The following CNTNAP2 variants were observed in gnomAD, a reference collection of about 807,000 sequenced individuals.
The protein encoded by CNTNAP2 is contactin associated protein 2.
A neutral mutation model predicts 155.2 loss-of-function variants in CNTNAP2; 98 were observed. The observed-to-expected ratio is 0.63, with a 90% CI of 0.54 to 0.75. The LOEUF is 0.75. Ranked by LOEUF, CNTNAP2 falls within the 30% of genes least tolerant of loss-of-function variation. The pLI is 0.00. For missense variants in CNTNAP2, 1,727 were observed against 1,688.1 expected (o/e 1.02, Z -0.40); for synonymous variants, 651 against 631.2 (o/e 1.03, Z -0.47).
At chr7:146,389,225 AC>A (rs1314948311) in intron 1 of CNTNAP2, among the ~76,000 whole-genome samples, 3 of 14,360 alleles carry the variant, frequency 2.1e-4, no homozygotes, top group Non-Finnish European at 5.0e-4. Flanking sequence ...GGAAATAGTC[AC>A]ACACACACAC....
At chr7:146,945,922 G>A (rs1049093718) in intron 3 of CNTNAP2, among the ~76,000 whole-genome samples, 10 of 152,058 alleles carry the variant, frequency 6.6e-5, no homozygotes, top group East Asian at 1.9e-4. Context: ...CTACTTCGCC[G>A]TTGTGCTAAG....
chr7:148,255,964 C>T (rs1796447191), intron 20 of CNTNAP2, among the ~76,000 whole-genome samples: 1 of 152,162 alleles, frequency 6.6e-6, no homozygotes, highest in Non-Finnish European at 1.5e-5. Context: ...GCTTCCCCTT[C>T]TAAGTTTGTG....
rs1799423668 is a variant in CNTNAP2, at chr7:147,049,184, A to C, written c.550+5130A>C. Reference sequence around the variant, plus strand: ...CTCAACACTGTTGCATTGGGGATTAAGTTTCCAAAACATGAACTTTGAAGG... The same window carrying C: ...CTCAACACTGTTGCATTGGGGATTACGTTTCCAAAACATGAACTTTGAAGG... On this transcript the variant is annotated intron_variant, in intron 4 of 23. Transcript: ENST00000361727. 2.6e-5 allele frequency among the ~76,000 whole-genome samples: 4 copies of C among 152,228 alleles called. 1 individual carries two copies. The South Asian group carries it at 8.3e-4, about 31-fold the overall frequency.
At chr7:148,160,290 T>A (rs115240197) in intron 17 of CNTNAP2, among the ~76,000 whole-genome samples, 1,618 of 151,156 alleles carry the variant, frequency 0.011, 31 homozygotes, top group African/African-American at 0.037. Flanking sequence ...TGTGCGCCTA[T>A]AGTCTCAGCT....
chr7:148,260,592 G>A (rs1466304406), intron 20 of CNTNAP2, among the ~76,000 whole-genome samples: 3 of 152,140 alleles, frequency 2.0e-5, no homozygotes, highest in African/African-American at 2.4e-5. Flanking sequence ...AACCACAGTC[G>A]GTTAAAATGG....
At chr7:146,129,171 A>G (rs1017692404) in intron 1 of CNTNAP2, among the ~76,000 whole-genome samples, 3 of 152,218 alleles carry the variant, frequency 2.0e-5, no homozygotes, top group African/African-American at 7.2e-5. Flanking sequence ...TTTACAGAGC[A>G]TATAATCACC....
At chr7:147,172,571 C>A (rs1802253850) in intron 8 of CNTNAP2, among the ~76,000 whole-genome samples, 1 of 151,888 alleles carries the variant, frequency 6.6e-6, no homozygotes, top group African/African-American at 2.4e-5. Flanking sequence ...GTTATAATTT[C>A]TCAATTCATG....
chr7:147,492,337 C>A (rs1206265502), intron 11 of CNTNAP2, among the ~76,000 whole-genome samples: 1 of 152,112 alleles, frequency 6.6e-6, no homozygotes, highest in Non-Finnish European at 1.5e-5. Context: ...CTGTGAGGCC[C>A]AGTTACTAAC....
chr7:147,735,871 C>A (rs1796834247), intron 13 of CNTNAP2, among the ~76,000 whole-genome samples: 1 of 151,324 alleles, frequency 6.6e-6, no homozygotes, highest in South Asian at 2.1e-4. Flanking sequence ...TTTCCATTTG[C>A]CTGGTAGATC....
At chr7:147,315,035 T>C (rs1795200149) in intron 9 of CNTNAP2, among the ~76,000 whole-genome samples, 1 of 150,002 alleles carries the variant, frequency 6.7e-6, no homozygotes, top group Non-Finnish European at 1.5e-5. Context: ...AGATTTTGTG[T>C]GTTTGCTAAG....
intron 3 of CNTNAP2, among the ~76,000 whole-genome samples, chr7:146,975,607 A>C (rs1201294894): frequency 2.0e-5 from 3 of 152,182 alleles, no homozygotes; most frequent in African/African-American, 7.2e-5. Flanking sequence ...TGAAAGATCT[A>C]AGGGAAACTA....
At chr7:148,057,517 G>A (rs532580807) in intron 15 of CNTNAP2, among the ~76,000 whole-genome samples, 312 of 152,278 alleles carry the variant, frequency 2.0e-3, no homozygotes, top group African/African-American at 5.7e-3. Context: ...GTTAGAATGC[G>A]TTTATGAGTG....
In CNTNAP2 at chr7:146,402,107, A is replaced by G. The variant is rs116623786; in HGVS notation, c.97+285134A>G. ...AGGTCTTCCATAAGTATGTTCATATATAATGATCTTTTATACAATTTACAT... is the reference window on the plus strand; with the variant it reads ...AGGTCTTCCATAAGTATGTTCATATGTAATGATCTTTTATACAATTTACAT... On this transcript the variant is annotated intron_variant, in intron 1 of 23. Coordinates refer to ENST00000361727, the MANE Select transcript of CNTNAP2 (RefSeq NM_014141.6). Among the ~76,000 whole-genome samples the G allele has an allele frequency of 3.6e-3, 544 of 152,320 alleles. 5 individuals are homozygous for G. Among genetic ancestry groups the G allele is most frequent in the African/African-American group, 0.013 (526 of 41,584 alleles).
At chr7:147,737,228 A>T (rs1051938058) in intron 13 of CNTNAP2, among the ~76,000 whole-genome samples, 5 of 151,896 alleles carry the variant, frequency 3.3e-5, no homozygotes, top group Non-Finnish European at 7.4e-5. Flanking sequence ...TGTTTATTAG[A>T]TTTCCTTCTA....
intron 1 of CNTNAP2, among the ~76,000 whole-genome samples, chr7:146,678,435 G>C (rs996458787): frequency 5.3e-5 from 8 of 151,986 alleles, no homozygotes; most frequent in Admixed American, 3.9e-4. Context: ...GTCTTTTAAA[G>C]CAAAATCAAG....
chr7:146,987,398 A>G (rs577585907), intron 3 of CNTNAP2, among the ~76,000 whole-genome samples: 2 of 152,258 alleles, frequency 1.3e-5, no homozygotes, highest in Admixed American at 1.3e-4. Flanking sequence ...TTTTTGTACT[A>G]AAAGGTAAAT....
intron 21 of CNTNAP2, among the ~76,000 whole-genome samples, chr7:148,311,047 G>T (rs1466019258): frequency 6.6e-6 from 1 of 152,160 alleles, no homozygotes; most frequent in African/African-American, 2.4e-5. Context: ...GATACATAAA[G>T]GAGCGGCCAC....
intron 13 of CNTNAP2, among the ~76,000 whole-genome samples, chr7:147,850,449 G>A (rs566241198): frequency 9.2e-5 from 14 of 152,242 alleles, no homozygotes; most frequent in East Asian, 3.9e-4. Context: ...AAAAGAGCCC[G>A]CATTGCCAAG....
intron 1 of CNTNAP2, among the ~76,000 whole-genome samples, chr7:146,637,481 T>C (rs1465330289): frequency 6.6e-6 from 1 of 152,216 alleles, no homozygotes; most frequent in Non-Finnish European, 1.5e-5. Context: ...AACAGGAAGC[T>C]CTGAAGCCAC....
Sources: allele counts gnomAD v4.1 joint callset (sites outside exome capture counted in the v4.1 genomes callset), GRCh38; gene constraint gnomAD v4.1.1; transcripts MANE v1.5; gene names NCBI Gene and HGNC (gene_info 2026-07-23, HGNC 2026-07-21).